The following DCP1A variants were observed in gnomAD, a reference collection of about 807,000 sequenced individuals.
The protein encoded by DCP1A is decapping mRNA 1A, also known as mRNA-decapping enzyme 1A.
A neutral mutation model predicts 58.0 loss-of-function variants in DCP1A; 20 were observed. The ratio of observed to expected loss-of-function variants is 0.34; its 90% CI spans 0.24 to 0.50. The LOEUF is 0.50. Ranked by LOEUF, DCP1A falls within the 20% of genes least tolerant of loss-of-function variation. The pLI is 0.98. For synonymous variants in DCP1A, 285 were observed against 275.1 expected (o/e 1.04, Z -0.36); for missense variants, 613 against 712.2 (o/e 0.86, Z 1.59).
intron 3 of DCP1A, among the ~76,000 whole-genome samples, chr3:53,340,398 T>C (rs1269263419): frequency 6.6e-6 from 1 of 152,236 alleles, no homozygotes; most frequent in African/African-American, 2.4e-5. Flanking sequence ...AATAGTTTAC[T>C]GAGAAGTCAA....
At chr3:53,333,143 G>GT (rs1166670582) in intron 3 of DCP1A, 3,508 of 135,206 alleles carry the variant, frequency 0.026, 60 homozygotes, top group African/African-American at 0.045. Context: ...CAGGGTTTTG[G>GT]TTTTTTTTTT....
chr3:53,334,375 A>G (rs1048612607), intron 3 of DCP1A, among the ~76,000 whole-genome samples: 23 of 152,346 alleles, frequency 1.5e-4, no homozygotes, highest in African/African-American at 5.3e-4. Flanking sequence ...TAGTTCACTT[A>G]ACATTTGTTC....
chr3:53,338,425 A>AACC (rs201915114), intron 3 of DCP1A, among the ~76,000 whole-genome samples: 8,711 of 151,956 alleles, frequency 0.057, 262 homozygotes, highest in Non-Finnish European at 0.065. Context: ...TTTTGAAAAC[A>AACC]ACCACCACCA....
intron 6 of DCP1A, among the ~76,000 whole-genome samples, chr3:53,301,911 T>C (rs1553687449): frequency 6.6e-6 from 1 of 152,160 alleles, no homozygotes; most frequent in East Asian, 1.9e-4. Flanking sequence ...ATTATAGAAC[T>C]GGAAAATGGA....
intron 6 of DCP1A, 86 bp downstream of exon 6, chr3:53,304,091 A>T (rs1707392204): frequency 1.0e-6 from 1 of 955,348 alleles, no homozygotes; most frequent in African/African-American, 1.6e-5. Context: ...GACACAACTG[A>T]CAAATCAAAC....
intron 1 of DCP1A, 80 bp from the exon 2 acceptor site, chr3:53,345,022 A>T: frequency 9.4e-7 from 1 of 1,069,226 alleles, no homozygotes. Context: ...GTAATGCTTC[A>T]CGTTTAAGAT....
intron 7 of DCP1A, among the ~76,000 whole-genome samples, chr3:53,291,310 G>A (rs140018577): frequency 1.0e-3 from 138 of 137,814 alleles, no homozygotes; most frequent in Non-Finnish European, 1.9e-3. Context: ...ATCCCCTCAC[G>A]AATTTTTCCT....
In DCP1A at chr3:53,285,305, A is replaced by G. The variant is rs1553684990; in HGVS notation, c.*2275T>C. 1.3e-5 allele frequency: 2 copies of G among 152,184 alleles called. No homozygotes were observed. Among genetic ancestry groups the G allele is most frequent in the Non-Finnish European group, 2.9e-5 (2 of 68,020 alleles). 9.4% of individuals were successfully genotyped at this position (152,184 alleles called of 1,614,324 possible). ...ATGAGGTTCTAGATAGTAAGCCTGAACTAGGAATAAGGCAACTGAACTGTG... is the reference window on the plus strand; with the variant it reads ...ATGAGGTTCTAGATAGTAAGCCTGAGCTAGGAATAAGGCAACTGAACTGTG... On this transcript the variant is annotated 3_prime_UTR_variant, in exon 10 of 10. Transcript: ENST00000610213.
chr3:53,338,782 A>G (rs891421944), intron 3 of DCP1A, among the ~76,000 whole-genome samples: 1 of 150,674 alleles, frequency 6.6e-6, no homozygotes, highest in East Asian at 1.9e-4. Context: ...AATGGCGTGA[A>G]CCTGGGAGGC....
At chr3:53,289,029 A>G (rs1706755112) in intron 8 of DCP1A, among the ~76,000 whole-genome samples, 1 of 149,888 alleles carries the variant, frequency 6.7e-6, no homozygotes, top group African/African-American at 2.5e-5. Context: ...TTTTTTTTTT[A>G]AGGCAGGGTC....
intron 3 of DCP1A, among the ~76,000 whole-genome samples, chr3:53,340,838 A>C (rs2089191294): frequency 6.6e-6 from 1 of 152,130 alleles, no homozygotes; most frequent in Non-Finnish European, 1.5e-5. Flanking sequence ...ACTACATCCA[A>C]TCGTTATTAG....
chr3:53,289,393 T>C (rs1706769205), intron 8 of DCP1A, among the ~76,000 whole-genome samples: 1 of 151,582 alleles, frequency 6.6e-6, no homozygotes, highest in Non-Finnish European at 1.5e-5. Flanking sequence ...GGAGGATCAC[T>C]TGAGGTCAGG....
chr3:53,324,274 G>A (rs938173795), intron 3 of DCP1A, among the ~76,000 whole-genome samples: 3 of 152,210 alleles, frequency 2.0e-5, no homozygotes, highest in Non-Finnish European at 4.4e-5. Context: ...GACCTGTAGA[G>A]GTTCAGACAC....
At chr3:53,338,966 TTTGAATGAAAGAAG>T (rs1273698808) in intron 3 of DCP1A, among the ~76,000 whole-genome samples, 3 of 152,078 alleles carry the variant, frequency 2.0e-5, no homozygotes, top group African/African-American at 7.2e-5. Context: ...CAAAAATTAA[TTTGAATGAAAGAAG>T]TTGGATATGA....
intron 5 of DCP1A, among the ~76,000 whole-genome samples, chr3:53,306,931 C>CTTTTTT (rs1159787111): frequency 2.9e-4 from 29 of 101,554 alleles, no homozygotes; most frequent in South Asian, 3.3e-4. Context: ...CCAGGCTGTT[C>CTTTTTT]TTTTTTTTTT....
chr3:53,341,612 T>G (rs2089204750), intron 3 of DCP1A, among the ~76,000 whole-genome samples: 1 of 152,236 alleles, frequency 6.6e-6, no homozygotes, highest in South Asian at 2.1e-4. Context: ...ATAAACCTTA[T>G]TTTAATAAAC....
intron 3 of DCP1A, chr3:53,329,385 A>G (rs1322256486): frequency 5.0e-6 from 2 of 398,618 alleles, no homozygotes; most frequent in Non-Finnish European, 8.8e-6. Flanking sequence ...GATGCCCGAT[A>G]TAAAGGAAAA....
At chr3:53,344,387 A>G (rs1283484606) in intron 2 of DCP1A, among the ~76,000 whole-genome samples, 1 of 152,246 alleles carries the variant, frequency 6.6e-6, no homozygotes, top group Non-Finnish European at 1.5e-5. Context: ...AAAATAAAAA[A>G]TACGCCATCA....
intron 3 of DCP1A, among the ~76,000 whole-genome samples, chr3:53,330,164 T>C (rs2088959513): frequency 6.6e-6 from 1 of 152,222 alleles, no homozygotes; most frequent in Non-Finnish European, 1.5e-5. Context: ...TTAATTTTTA[T>C]CATTAATCTA....
Sources: gnomAD v4.1 joint callset for allele counts (sites outside exome capture counted in the v4.1 genomes callset) on GRCh38, gnomAD v4.1.1 for gene constraint, MANE v1.5 for transcripts, NCBI Gene and HGNC (gene_info 2026-07-23, HGNC 2026-07-21) for gene names.